MTTP: variants seen among roughly 807,000 people sequenced by gnomAD.
The protein encoded by MTTP is microsomal triglyceride transfer protein large subunit.
Under a neutral mutation model 90.6 loss-of-function variants are expected in MTTP, and 49 were observed. The observed-to-expected ratio is 0.54, with a 90% CI of 0.43 to 0.69. The LOEUF (loss-of-function observed/expected upper bound fraction) is 0.69, where lower values mean the gene tolerates loss of function less well. MTTP is among the 30% of genes least tolerant of loss of function. The pLI, the probability that MTTP is intolerant of heterozygous loss-of-function variation, is 0.00. For missense variants in MTTP, 945 were observed against 1,067.5 expected, an observed-to-expected ratio of 0.89 and a Z score of 1.60; for synonymous variants, 347 against 384.2, an observed-to-expected ratio of 0.90 and a Z score of 1.13.
chr4:99,565,558 G>A (rs550813608), intron 1 of MTTP, among the ~76,000 whole-genome samples: 1 of 152,160 alleles, frequency 6.6e-6, no homozygotes, highest in East Asian at 1.9e-4. Context: ...CACATGTATC[G>A]AGTTCTATGC....
At chr4:99,588,042 G>A (rs903097906) in intron 3 of MTTP, among the ~76,000 whole-genome samples, 3 of 152,042 alleles carry the variant, frequency 2.0e-5, no homozygotes, top group African/African-American at 7.2e-5. Context: ...AAAACTGATT[G>A]CCAGATAAAG....
At chr4:99,569,971 G>T (rs1724798275), upstream of MTTP, among the ~76,000 whole-genome samples, 1 of 151,456 alleles carries the variant, frequency 6.6e-6, no homozygotes, top group Non-Finnish European at 1.5e-5. Flanking sequence ...ACCAAACATG[G>T]TATCCAAATT....
At chr4:99,593,677 C>G (rs537652153) in intron 6 of MTTP, among the ~76,000 whole-genome samples, 1 of 152,136 alleles carries the variant, frequency 6.6e-6, no homozygotes, top group East Asian at 1.9e-4. Flanking sequence ...AATATTAGCA[C>G]CAAATAGATG....
upstream of MTTP, among the ~76,000 whole-genome samples, chr4:99,570,067 A>T (rs909037578): frequency 6.6e-6 from 1 of 151,636 alleles, no homozygotes; most frequent in Non-Finnish European, 1.5e-5. Flanking sequence ...AGACACTGTT[A>T]TTAAGAGCCA....
Position 99,613,088 on chromosome 4 carries a change from G to C in MTTP, c.2165G>C (p.Gly722Ala). ...ATGTCCAAAATGCTGTCAGCATCTG[G>C]CGACCCTATCAGTGTGGTGAAAGGA... ...DLMSKMLSAS[G>A]DPISVVKGLI... is the part of the protein sequence containing the mutation. The change falls in exon 15 of 18, where the codon GGC (glycine) becomes GCC (alanine). Residue 722 changes from glycine (G) to alanine (A), a missense_variant. Physicochemically the swap from Gly to Ala is moderately conservative, Grantham distance 60. Coordinates refer to ENST00000265517, the MANE Select transcript of MTTP (RefSeq NM_001386140.1). The C allele has an allele frequency of 6.2e-7, 1 of 1,614,002 alleles. No homozygotes were observed. The highest frequency in any genetic ancestry group is 8.5e-7 in the Non-Finnish European group (1 of 1,179,950).
intron 4 of MTTP, among the ~76,000 whole-genome samples, chr4:99,590,314 T>A (rs899107442): frequency 6.6e-6 from 1 of 152,172 alleles, no homozygotes; most frequent in Non-Finnish European, 1.5e-5. Flanking sequence ...GGTCTTGAAC[T>A]CCTGACCTCA....
At chr4:99,580,942 C>T (rs551700631) in intron 1 of MTTP, among the ~76,000 whole-genome samples, 1 of 152,226 alleles carries the variant, frequency 6.6e-6, no homozygotes, top group Admixed American at 6.5e-5. Flanking sequence ...CCTTTTCTGT[C>T]CCTCTCCCCA....
At chr4:99,582,149 T>G in intron 2 of MTTP, 57 bp downstream of exon 2, 3 of 1,569,412 alleles carry the variant, frequency 1.9e-6, no homozygotes, top group Non-Finnish European at 2.6e-6. Context: ...TTTTGAGAAG[T>G]GTACCATTGG....
chr4:99,583,841 G>A, intron 3 of MTTP: 1 of 481,066 alleles, frequency 2.1e-6, no homozygotes, highest in Non-Finnish European at 3.7e-6. Flanking sequence ...ATGTAACAAA[G>A]CAAGTCATCA....
At chr4:99,583,781 C>A in intron 3 of MTTP, 2 of 564,148 alleles carry the variant, frequency 3.5e-6, no homozygotes, top group Non-Finnish European at 6.2e-6. Flanking sequence ...TGATGAAAGG[C>A]ATTATTAAAA....
chr4:99,608,993 C>T lies in MTTP; in HGVS notation c.1769+16C>T, dbSNP rs779646290. 1.9e-6 allele frequency: 3 copies of T among 1,582,774 alleles called. No individual in the cohort carries two copies. In the East Asian group the frequency reaches 6.7e-5, roughly 35 times the overall value. On this transcript the variant is annotated intron_variant, in intron 12 of 17. Coordinates refer to ENST00000265517, the MANE Select transcript of MTTP (RefSeq NM_001386140.1). Reference sequence around the variant, plus strand: ...TGCCTGCAAGGTATAATACATTGCACATGTCTCTCTGTGTATTCAAGCTTA... The same window carrying T: ...TGCCTGCAAGGTATAATACATTGCATATGTCTCTCTGTGTATTCAAGCTTA...
Position 99,582,043 on chromosome 4 carries a change from T to C in MTTP, c.200T>C (p.Leu67Ser). 6.2e-7 allele frequency: 1 copy of C among 1,614,198 alleles called. No homozygotes were observed. Among genetic ancestry groups the C allele is most frequent in the Non-Finnish European group, 8.5e-7 (1 of 1,180,014 alleles). Residue 67 changes from leucine to serine, a missense_variant, in exon 2 of 18, where the codon TTA (leucine) becomes TCA (serine). Leu to Ser is a moderately radical substitution (Grantham distance 145). Coordinates refer to ENST00000265517, the MANE Select transcript of MTTP (RefSeq NM_001386140.1). ...YRISSNVDVA[L>S]LWRNPDGDDD... ...ATTTCCTCCAACGTGGATGTGGCCT[T>C]ACTATGGAGGAATCCTGATGGTGAT... is the stretch of plus-strand genomic sequence containing the variant.
intron 1 of MTTP, among the ~76,000 whole-genome samples, chr4:99,576,515 G>A (rs1724962988): frequency 6.6e-6 from 1 of 151,406 alleles, no homozygotes; most frequent in Admixed American, 6.6e-5. Flanking sequence ...CTAAAACGGT[G>A]AAACCCCGTC....
At chr4:99,598,771 A>G (rs6532822) in intron 8 of MTTP, among the ~76,000 whole-genome samples, 18,314 of 146,514 alleles carry the variant, frequency 0.12, 1,659 homozygotes, top group African/African-American at 0.25. Context: ...TCAAGCAATT[A>G]TCCTGCCTCA....
At chr4:99,591,438 A>T (rs1455253520) in intron 5 of MTTP, 87 bp downstream of exon 5, 101 of 1,247,448 alleles carry the variant, frequency 8.1e-5, no homozygotes, top group Non-Finnish European at 1.2e-6. Context: ...TAAAGTAGAA[A>T]TAGAATTTTG....
upstream of MTTP, among the ~76,000 whole-genome samples, chr4:99,574,436 G>A (rs144053138): frequency 0.043 from 6,548 of 152,196 alleles, 153 homozygotes; most frequent in Non-Finnish European, 0.056. Context: ...TTAAAATTTG[G>A]TTAGGTTTAG....
intron 8 of MTTP, among the ~76,000 whole-genome samples, chr4:99,598,736 T>C (rs1388935148): frequency 7.3e-6 from 1 of 137,910 alleles, no homozygotes; most frequent in Non-Finnish European, 1.5e-5. Flanking sequence ...CAATCTTGGC[T>C]CACCACAACC....
chr4:99,582,647 A>G (rs1487452874), intron 2 of MTTP, among the ~76,000 whole-genome samples: 1 of 152,190 alleles, frequency 6.6e-6, no homozygotes, highest in Non-Finnish European at 1.5e-5. Context: ...GGACTTTTCC[A>G]ATTGTAATAT....
At chr4:99,573,131 C>T (rs1001857019), upstream of MTTP, among the ~76,000 whole-genome samples, 2 of 152,060 alleles carry the variant, frequency 1.3e-5, no homozygotes, top group African/African-American at 4.8e-5. Context: ...CACCACATAG[C>T]CTAACCACAA....
Sources: allele counts gnomAD v4.1 joint callset (sites outside exome capture counted in the v4.1 genomes callset), GRCh38; gene constraint gnomAD v4.1.1; transcripts MANE v1.5; gene names NCBI Gene and HGNC (gene_info 2026-07-23, HGNC 2026-07-21).